Variants in ITGA11 observed in about 807,000 individuals in gnomAD.
The protein encoded by ITGA11 is integrin alpha-11.
Under a neutral mutation model 141.9 loss-of-function variants are expected in ITGA11, and 97 were observed. That is an observed-to-expected ratio of 0.68 (90% CI 0.58 to 0.81). The LOEUF (loss-of-function observed/expected upper bound fraction) is 0.81. Ranked by LOEUF, ITGA11 falls within the 30% of genes least tolerant of loss-of-function variation. ITGA11 has a pLI of 0.00. For missense variants in ITGA11, 1,387 were observed against 1,559.2 expected (o/e 0.89, Z 1.86); for synonymous variants, 658 against 624.6 (o/e 1.05, Z -0.80).
intron 2 of ITGA11, among the ~76,000 whole-genome samples, chr15:68,397,751 T>TTATATTTAAAATATTATATTTAAAA (rs1896355574): frequency 1.4e-4 from 4 of 29,018 alleles, no homozygotes; most frequent in African/African-American, 4.2e-4. Context: ...ATTTAAAATA[T>TTATATTTAAAATATTATATTTAAAA]TATATTTAAA....
intron 2 of ITGA11, among the ~76,000 whole-genome samples, chr15:68,379,083 C>T (rs1235775842): frequency 1.3e-5 from 2 of 152,198 alleles, no homozygotes; most frequent in African/African-American, 2.4e-5. Flanking sequence ...GTCTGACATT[C>T]GAGTGTCAAT....
In ITGA11 at chr15:68,352,906, C is replaced by T. The variant is rs545371200; in HGVS notation, c.750-1504G>A. 1.1e-3 allele frequency among the ~76,000 whole-genome samples: 170 copies of T among 152,290 alleles called. 1 individual carries two copies. The highest frequency in any genetic ancestry group is 6.6e-4 in the Non-Finnish European group (45 of 68,034). On this transcript the variant is annotated intron_variant, in intron 7 of 29. Coordinates refer to ENST00000315757, the MANE Select transcript of ITGA11 (RefSeq NM_001004439.2). ...CACTGGCTTTTGGTGTCCCTGTGGC[C>T]GGCCCTCCTTTAGACCATGAGGTTC...
intron 7 of ITGA11, among the ~76,000 whole-genome samples, chr15:68,353,373 G>C (rs776814313): frequency 6.6e-6 from 1 of 152,112 alleles, no homozygotes; most frequent in South Asian, 2.1e-4. Flanking sequence ...AGCAGGTTTC[G>C]AGCTCAAGCG....
At chr15:68,392,021 C>T (rs1896132811) in intron 2 of ITGA11, among the ~76,000 whole-genome samples, 1 of 152,138 alleles carries the variant, frequency 6.6e-6, no homozygotes, top group South Asian at 2.1e-4. Context: ...TTCAGTCTGT[C>T]AAAGTAAGTT....
rs147159691 is a variant in ITGA11, at chr15:68,392,065, C to T, written c.164+10853G>A. Among the ~76,000 whole-genome samples, 105 of 152,208 alleles carry T rather than the reference C, an allele frequency of 6.9e-4. 1 individual carries two copies. In the South Asian group the frequency reaches 0.014, roughly 20 times the overall value. On this transcript the variant is annotated intron_variant, in intron 2 of 29. Transcript: ENST00000315757. ...ACCTACTAAACACCAGGAATTATAC[C>T]GCTGATTTCAGGAAGTAAGATAATG...
chr15:68,360,826 G>A (rs903260809), intron 5 of ITGA11, among the ~76,000 whole-genome samples: 19 of 152,256 alleles, frequency 1.2e-4, no homozygotes, highest in Admixed American at 5.9e-4. Context: ...CTGCTGGACT[G>A]ATGCTTCCTC....
At chr15:68,356,364 A>G (rs1895070921) in intron 7 of ITGA11, among the ~76,000 whole-genome samples, 1 of 151,376 alleles carries the variant, frequency 6.6e-6, no homozygotes, top group African/African-American at 2.4e-5. Context: ...TTGGCCTCCC[A>G]AAGTGCTAGG....
At chr15:68,347,803 G>C (rs1341705024) in intron 10 of ITGA11, among the ~76,000 whole-genome samples, 1 of 152,196 alleles carries the variant, frequency 6.6e-6, no homozygotes, top group Non-Finnish European at 1.5e-5. Flanking sequence ...TCACAGAGGA[G>C]TTAGGAGAGG....
chr15:68,327,977 GC>G (rs746400939), intron 16 of ITGA11, 118 bp downstream of exon 16: 51 of 931,220 alleles, frequency 5.5e-5, no homozygotes, highest in Admixed American at 2.1e-4. Flanking sequence ...ATCCAAGGTG[GC>G]TCTTGGGCGA....
At chr15:68,350,302 A>T (rs966973407) in intron 9 of ITGA11, among the ~76,000 whole-genome samples, 2 of 152,072 alleles carry the variant, frequency 1.3e-5, no homozygotes, top group African/African-American at 4.8e-5. Flanking sequence ...CTCCCACCTC[A>T]GCTTCCTAAG....
At chr15:68,418,978 CAG>C (rs1896954709) in intron 1 of ITGA11, among the ~76,000 whole-genome samples, 2 of 151,990 alleles carry the variant, frequency 1.3e-5, no homozygotes, top group African/African-American at 2.4e-5. Context: ...GAAGAGGACT[CAG>C]AGAACTACTG....
chr15:68,431,921 A>C, intron 1 of ITGA11, 94 bp downstream of exon 1: 1 of 854,644 alleles, frequency 1.2e-6, no homozygotes, highest in Non-Finnish European at 1.6e-6. Context: ...CCCTGGGAGG[A>C]GGGTCGCGTC....
intron 16 of ITGA11, among the ~76,000 whole-genome samples, chr15:68,327,703 G>A (rs561171002): frequency 2.9e-4 from 44 of 152,206 alleles, no homozygotes; most frequent in African/African-American, 9.4e-4. Context: ...TGCTGCTGGG[G>A]TCTCATTGAC....
At chr15:68,404,381 G>T (rs531412079) in intron 1 of ITGA11, among the ~76,000 whole-genome samples, 2 of 152,260 alleles carry the variant, frequency 1.3e-5, no homozygotes, top group East Asian at 3.9e-4. Context: ...GGCCCCAAGG[G>T]TCGCCCCTGT....
At chr15:68,422,097 G>A (rs998423910) in intron 1 of ITGA11, among the ~76,000 whole-genome samples, 2 of 152,136 alleles carry the variant, frequency 1.3e-5, no homozygotes, top group African/African-American at 4.8e-5. Flanking sequence ...CCTGAAAAGG[G>A]GTGGAGGGAT....
chr15:68,348,773 A>C, intron 10 of ITGA11, 57 bp downstream of exon 10: 63 of 1,439,266 alleles, frequency 4.4e-5, no homozygotes, highest in Non-Finnish European at 5.6e-5. Context: ...AGAAAGGGGA[A>C]GAGCATGCCC....
chr15:68,313,714 CT>C, intron 23 of ITGA11, 64 bp downstream of exon 23: 1 of 1,296,374 alleles, frequency 7.7e-7, no homozygotes, highest in Non-Finnish European at 1.1e-6. Flanking sequence ...GATGCCCCCC[CT>C]TAGGCCTCCC....
At position 68,328,832 on chromosome 15, in the gene ITGA11, C is replaced by A. The variant is rs780721128; in HGVS notation, c.1902-570G>T. On this transcript the variant is annotated intron_variant, in intron 15 of 29. Transcript: ENST00000315757. This position sits in a 1 kb window ranked among gnomAD's most constrained non-coding sequence, Gnocchi z 4.8. ...TGATGTGAACGTTCCATGGACCACA[C>A]TTCGAAGAGCGAGGCGTTAAAGCAC... Among the ~76,000 whole-genome samples the A allele has an allele frequency of 6.6e-6, 1 of 152,162 alleles. No individual in the cohort carries two copies. Among genetic ancestry groups the A allele is most frequent in the East Asian group, 1.9e-4 (1 of 5,188 alleles).
intron 1 of ITGA11, among the ~76,000 whole-genome samples, chr15:68,408,690 C>T (rs1419646324): frequency 6.6e-6 from 1 of 152,064 alleles, no homozygotes; most frequent in African/African-American, 2.4e-5. Flanking sequence ...GTGAAGTGGC[C>T]CAAAGGTGCT....
Sources: allele counts gnomAD v4.1 joint callset (sites outside exome capture counted in the v4.1 genomes callset), GRCh38; gene constraint gnomAD v4.1.1; non-coding constraint Gnocchi (gnomAD v3.1); transcripts MANE v1.5; gene names NCBI Gene and HGNC (gene_info 2026-07-23, HGNC 2026-07-21).